RUVBL2: variants seen among roughly 807,000 people sequenced by gnomAD.
RUVBL2 encodes RuvB like AAA ATPase 2.
Under a neutral mutation model 57.9 loss-of-function variants are expected in RUVBL2, and 9 were observed. The ratio of observed to expected loss-of-function variants is 0.16; its 90% CI spans 0.09 to 0.27. The LOEUF (loss-of-function observed/expected upper bound fraction) is 0.27, where lower values mean the gene tolerates loss of function less well. Ranked by LOEUF, RUVBL2 falls within the 10% of genes least tolerant of loss-of-function variation. The probability of loss-of-function intolerance (pLI) is 1.00; values close to 1 mark genes in which losing one functional copy is unlikely to be tolerated. For synonymous variants in RUVBL2, 278 were observed against 264.6 expected, an observed-to-expected ratio of 1.05 and a Z score of -0.49; for missense variants, 456 against 669.6, an observed-to-expected ratio of 0.68 and a Z score of 3.52.
In RUVBL2 at chr19:48,999,309, G is replaced by C. The variant is rs761310140; in HGVS notation, c.13-10G>C. On this transcript the variant is annotated splice_polypyrimidine_tract_variant and intron_variant, in intron 1 of 14. Coordinates refer to ENST00000595090, the MANE Select transcript of RUVBL2 (RefSeq NM_006666.3). ...CACTAGTCCTCTGACACATCTTCTT[G>C]CACCCCCAGACAGCCACAACCAAAG... 4 of 1,614,060 alleles carry C rather than the reference G, an allele frequency of 2.5e-6. No individual in the cohort carries two copies. In the East Asian group the frequency reaches 8.9e-5, roughly 36 times the overall value.
Position 49,014,601 on chromosome 19 carries a change from C to T in RUVBL2, c.1119C>T (p.Ile373=), listed in dbSNP as rs1310874685. Residue 373 remains isoleucine, a splice_region_variant and synonymous_variant, in exon 12 of 15, where the codon ATC becomes ATT. Coordinates refer to ENST00000595090, the MANE Select transcript of RUVBL2 (RefSeq NM_006666.3). ...SEKDTKQILR[I]RCEEEDVEMS... is the part of the protein sequence containing the mutation. ...AAGACACGAAGCAGATCCTCCGCAT[C>T]CGGTGCGGGCAGGACCAGGCCGTGC... The T allele has an allele frequency of 2.5e-6, 4 of 1,614,008 alleles. No individual in the cohort carries two copies. Among genetic ancestry groups the T allele is most frequent in the Admixed American group, 1.7e-5 (1 of 60,030 alleles).
rs1399147936 is a variant in RUVBL2 at position 48,996,342 on chromosome 19, G to A, written c.12+2419G>A. Among the ~76,000 whole-genome samples the A allele has an allele frequency of 2.6e-5, 4 of 151,828 alleles. No individual in the cohort carries two copies. In the East Asian group the frequency reaches 7.7e-4, roughly 29 times the overall value. The stretch of plus-strand genomic sequence containing the variant: ...TTTTTTTGTTTTTTCTTTTTTTCAA[G>A]ACAGAGTCTCACTCTGTCTCCCAGG... On this transcript the variant is annotated intron_variant, in intron 1 of 14. Transcript: ENST00000595090.
chr19:49,011,379 A>G lies in RUVBL2; in HGVS notation c.1001+69A>G, dbSNP rs530901468. On this transcript the variant is annotated intron_variant, in intron 11 of 14. Coordinates refer to ENST00000595090, the MANE Select transcript of RUVBL2 (RefSeq NM_006666.3). This position sits in a 1 kb window ranked among gnomAD's most constrained non-coding sequence, Gnocchi z 4.4. ...GGCAGTGGGTGTGGTCAGAGGGTCA[A>G]TGGGAGCCTGTGTTGACACCGGGTC... The G allele has an allele frequency of 1.6e-5, 20 of 1,261,732 alleles. No individual in the cohort carries two copies. Among genetic ancestry groups the G allele is most frequent in the East Asian group, 9.3e-5 (4 of 43,126 alleles). 78.2% of individuals were successfully genotyped at this position (1,261,732 alleles called of 1,614,324 possible).
rs754218231 is a variant in RUVBL2 at position 49,015,808 on chromosome 19, TC to T, written c.1367-5del. ...GACACTGACCATGTGGCCTTCCTTC[TC>T]CCCACAGAAGGCGAGACCATGGACA... On this transcript the variant is annotated splice_region_variant and splice_polypyrimidine_tract_variant and intron_variant, in intron 14 of 14. Coordinates refer to ENST00000595090, the MANE Select transcript of RUVBL2 (RefSeq NM_006666.3). The T allele has an allele frequency of 6.1e-4, 981 of 1,613,896 alleles. No homozygotes were observed. Among genetic ancestry groups the T allele is most frequent in the Non-Finnish European group, 7.7e-4 (910 of 1,179,978 alleles).
intron 11 of RUVBL2, among the ~76,000 whole-genome samples, chr19:49,013,465 G>A (rs1334080979): frequency 6.6e-6 from 1 of 151,940 alleles, no homozygotes; most frequent in African/African-American, 2.4e-5. Flanking sequence ...TTGAAGTGCT[G>A]TCTAGTATCC....
rs781107365 is a variant in RUVBL2 at position 49,011,335 on chromosome 19, G to A, written c.1001+25G>A. The A allele has an allele frequency of 2.3e-5, 37 of 1,581,934 alleles. No homozygotes were observed. Among genetic ancestry groups the A allele is most frequent in the Non-Finnish European group, 8.7e-6 (10 of 1,152,062 alleles). ...GGTGAGCCGGCTACAGGGGCCTCTGGGGAAAACAGGATGCTCTGGGCAGTG... is the reference window on the plus strand; with the variant it reads ...GGTGAGCCGGCTACAGGGGCCTCTGAGGAAAACAGGATGCTCTGGGCAGTG... On this transcript the variant is annotated intron_variant, in intron 11 of 14. Coordinates refer to ENST00000595090, the MANE Select transcript of RUVBL2 (RefSeq NM_006666.3). This position sits in a 1 kb window ranked among gnomAD's most constrained non-coding sequence, Gnocchi z 4.4.
chr19:49,014,135 C>T (rs1004034460), intron 11 of RUVBL2, among the ~76,000 whole-genome samples: 10 of 152,368 alleles, frequency 6.6e-5, no homozygotes, highest in African/African-American at 2.2e-4. Context: ...TCCCCTGGCA[C>T]CAGCCCTGGG....
At chr19:49,003,610 C>T (rs1476373242) in intron 3 of RUVBL2, among the ~76,000 whole-genome samples, 1 of 151,966 alleles carries the variant, frequency 6.6e-6, no homozygotes, top group Non-Finnish European at 1.5e-5. Flanking sequence ...ATGGTGAAAC[C>T]CTGTCTCTAC....
intron 1 of RUVBL2, 51 bp from the exon 2 acceptor site, chr19:48,999,268 G>A (rs3764620): frequency 0.019 from 30,081 of 1,602,618 alleles, 343 homozygotes; most frequent in East Asian, 0.042. Flanking sequence ...GGAGGGGTTG[G>A]TGAAAGCTGG....
intron 4 of RUVBL2, among the ~76,000 whole-genome samples, chr19:49,004,750 C>G (rs1449669321): frequency 6.6e-6 from 1 of 152,100 alleles, no homozygotes; most frequent in Non-Finnish European, 1.5e-5. Context: ...TGAGGATGAA[C>G]CCCCTCGAGT....
upstream of RUVBL2, chr19:48,993,712 C>T: frequency 7.5e-6 from 5 of 662,912 alleles, no homozygotes; most frequent in East Asian, 8.2e-5. Context: ...GGGAATGGAC[C>T]CAGGAGTTCC....
intron 8 of RUVBL2, 138 bp from the exon 9 acceptor site, chr19:49,010,350 G>A (rs1600190847): frequency 3.4e-6 from 3 of 886,280 alleles, no homozygotes; most frequent in South Asian, 3.2e-5. Flanking sequence ...TGGGCCTGGG[G>A]TTTCCAGATG....
intron 2 of RUVBL2, 114 bp from the exon 3 acceptor site, chr19:49,003,165 T>TGCCAAAAACCC: frequency 1.4e-6 from 1 of 708,040 alleles, no homozygotes; most frequent in Non-Finnish European, 2.5e-6. Flanking sequence ...CAACCCCTGC[T>TGCCAAAAACCC]CCCTACTCCC....
intron 1 of RUVBL2, among the ~76,000 whole-genome samples, chr19:48,997,009 G>A (rs1229326778): frequency 6.6e-6 from 1 of 151,182 alleles, no homozygotes; most frequent in Non-Finnish European, 1.5e-5. Context: ...TAGAATTCAC[G>A]TACTACATAA....
intron 1 of RUVBL2, among the ~76,000 whole-genome samples, chr19:48,995,829 CAA>C (rs879615420): frequency 6.6e-6 from 1 of 151,020 alleles, no homozygotes; most frequent in Non-Finnish European, 1.5e-5. Flanking sequence ...ATTAAAAATA[CAA>C]AAAAAATTAG....
chr19:49,012,034 G>T (rs1283319094), intron 11 of RUVBL2, among the ~76,000 whole-genome samples: 7 of 152,158 alleles, frequency 4.6e-5, no homozygotes, highest in Non-Finnish European at 1.0e-4. Flanking sequence ...AGGGGGATGT[G>T]GAGGGCAGGC....
intron 2 of RUVBL2, among the ~76,000 whole-genome samples, chr19:49,002,339 C>T (rs1021496265): frequency 6.6e-6 from 1 of 151,692 alleles, no homozygotes; most frequent in South Asian, 2.1e-4. Context: ...CGTGAGCCAC[C>T]GTACCCAGCT....
chr19:49,007,914 G>A (rs1470259063), intron 6 of RUVBL2, among the ~76,000 whole-genome samples: 2 of 151,504 alleles, frequency 1.3e-5, no homozygotes, highest in East Asian at 1.9e-4. Flanking sequence ...TCACCATGTT[G>A]GCCAGGCTGG....
In RUVBL2 at chr19:49,007,099, C is replaced by T; in HGVS notation, c.347C>T (p.Thr116Ile). ...SEIFSLEMSK[T>I]EALTQAFRRS... ...ATCTTCTCCCTGGAGATGAGCAAGACCGAGGCGCTGACGCAGGCCTTCCGG... is the reference window on the plus strand; with the variant it reads ...ATCTTCTCCCTGGAGATGAGCAAGATCGAGGCGCTGACGCAGGCCTTCCGG... Residue 116 changes from threonine to isoleucine, a missense_variant, in exon 5 of 15, where the codon ACC becomes ATC. By Grantham distance (89) the Thr-to-Ile change is moderately conservative (BLOSUM62 -1). Around this residue, in one of 5 missense-constraint regions of RUVBL2, gnomAD observed 233 missense variants for 306.0 expected, o/e 0.76. Coordinates refer to ENST00000595090, the MANE Select transcript of RUVBL2 (RefSeq NM_006666.3). 1 of 1,613,310 alleles carries T rather than the reference C, an allele frequency of 6.2e-7. No homozygotes were observed. Among genetic ancestry groups the T allele is most frequent in the Admixed American group, 1.7e-5 (1 of 60,036 alleles).
Sources: allele counts gnomAD v4.1 joint callset (sites outside exome capture counted in the v4.1 genomes callset), GRCh38; gene constraint gnomAD v4.1.1; regional missense constraint gnomAD v4.1.1; non-coding constraint Gnocchi (gnomAD v3.1); transcripts MANE v1.5; gene names NCBI Gene and HGNC (gene_info 2026-07-23, HGNC 2026-07-21).